MYH2: variants seen among roughly 807,000 people sequenced by gnomAD.
MYH2 encodes myosin heavy chain 2.
A neutral mutation model predicts 228.1 loss-of-function variants in MYH2; 139 were observed. That is an observed-to-expected ratio of 0.61 (90% confidence interval 0.53 to 0.70). The LOEUF is 0.70. Ranked by LOEUF, MYH2 falls within the 30% of genes least tolerant of loss-of-function variation. The pLI is 0.00. For missense variants in MYH2, 1,809 were observed against 2,357.5 expected (o/e 0.77, Z 4.82); for synonymous variants, 796 against 871.1 (o/e 0.91, Z 1.52).
intron 8 of MYH2, 128 bp downstream of exon 8, chr17:10,543,583 C>T: frequency 1.4e-6 from 2 of 1,385,400 alleles, no homozygotes; most frequent in Non-Finnish European, 2.0e-6. Context: ...TTATTACATG[C>T]TCAGAGGAAA....
intron 20 of MYH2, 27 bp from the exon 21 acceptor site, chr17:10,533,448 C>G (rs2073448141): frequency 6.2e-7 from 1 of 1,613,996 alleles, no homozygotes; most frequent in Admixed American, 1.7e-5. Flanking sequence ...TTGCAAATCA[C>G]AAGCTTTAAT....
chr17:10,525,888 T>C lies in MYH2; in HGVS notation c.4188-12A>G, dbSNP rs759554739. The stretch of plus-strand genomic sequence containing the variant: ...GGGCCAGCTTCTTCCTTGAATATTA[T>C]ACATGTTTTCAGAGAGAAGTGAACC... On this transcript the variant is annotated splice_polypyrimidine_tract_variant and intron_variant, in intron 30 of 39. Transcript: ENST00000245503. This position sits in a 1 kb window ranked among gnomAD's most constrained non-coding sequence, Gnocchi z 4.2. The C allele has an allele frequency of 1.9e-6, 3 of 1,613,600 alleles. No homozygotes were observed. The highest frequency in any genetic ancestry group is 8.5e-7 in the Non-Finnish European group (1 of 1,179,664).
chr17:10,533,530 C>T lies in MYH2; in HGVS notation c.2283G>A (p.Gln761=). 3 of 1,614,178 alleles carry T rather than the reference C, an allele frequency of 1.9e-6. No homozygotes were observed. The highest frequency in any genetic ancestry group is 2.5e-6 in the Non-Finnish European group (3 of 1,180,006). The change falls in exon 20 of 40, where the codon CAG becomes CAA. Residue 761 remains glutamine, a synonymous_variant. Transcript: ENST00000245503. ...TTACCTTGGTGTGCCCAAATTTATA[C>T]TGGGTGTGGTCAATGTCGATGGATG... ...LLASIDIDHT[Q]YKFGHTKVFF... is the part of the protein sequence containing the mutation.
In MYH2 at chr17:10,537,616, C is replaced by A. The variant is rs182775814; in HGVS notation, c.1587+49G>T. 1.3e-5 allele frequency: 21 copies of A among 1,613,948 alleles called. No homozygotes were observed. Among genetic ancestry groups the A allele is most frequent in the East Asian group, 2.2e-5 (1 of 44,898 alleles). On this transcript the variant is annotated intron_variant, in intron 15 of 39. Transcript: ENST00000245503. This position sits in a 1 kb window ranked among gnomAD's most constrained non-coding sequence, Gnocchi z 4.0. ...TCTATAGAATTAAAATAAAAAGCAG[C>A]GAATAATATAGTTGCCGCAAAATAT...
chr17:10,540,585 T>A lies in MYH2; in HGVS notation c.1008+9A>T. Reference sequence around the variant, plus strand: ...CATAATAATTCCAATTTTCTTGTGTTCTACTTACATCTGTGGCCATCAGTT... The same window carrying A: ...CATAATAATTCCAATTTTCTTGTGTACTACTTACATCTGTGGCCATCAGTT... On this transcript the variant is annotated intron_variant, in intron 11 of 39. Coordinates refer to ENST00000245503, the MANE Select transcript of MYH2 (RefSeq NM_017534.6). 1 of 1,591,076 alleles carries A rather than the reference T, an allele frequency of 6.3e-7. No individual in the cohort carries two copies. Among genetic ancestry groups the A allele is most frequent in the Non-Finnish European group, 8.6e-7 (1 of 1,159,020 alleles).
rs2073611882 is a variant in MYH2 at position 10,545,240 on chromosome 17, C to G, written c.505+106G>C. On this transcript the variant is annotated intron_variant, in intron 5 of 39. Transcript: ENST00000245503. ...TCCTTCATAAATACACCAGCCTCAACTAAAAGGGACGATCTCAAGGAATGT... is the reference window on the plus strand; with the variant it reads ...TCCTTCATAAATACACCAGCCTCAAGTAAAAGGGACGATCTCAAGGAATGT... 1.2e-5 allele frequency: 20 copies of G among 1,601,498 alleles called. No homozygotes were observed. The Admixed American group carries it at 3.3e-4, about 27-fold the overall frequency.
chr17:10,523,690 A>G (rs1490503217), intron 36 of MYH2, 24 bp from the exon 37 acceptor site: 2 of 1,614,150 alleles, frequency 1.2e-6, no homozygotes, highest in Admixed American at 3.3e-5. Context: ...AAATCAAGAA[A>G]ACCAAGAAAG....
At chr17:10,546,523 A>G (rs2142323456) in intron 4 of MYH2, among the ~76,000 whole-genome samples, 1 of 152,134 alleles carries the variant, frequency 6.6e-6, no homozygotes, top group South Asian at 2.1e-4. Context: ...GACAGTATAA[A>G]TGAGACCAGA....
intron 4 of MYH2, among the ~76,000 whole-genome samples, chr17:10,545,865 A>G (rs1316732171): frequency 6.6e-6 from 1 of 152,168 alleles, no homozygotes; most frequent in East Asian, 1.9e-4. Flanking sequence ...CTTGAAAACT[A>G]GTTGGCAAGT....
intron 21 of MYH2, among the ~76,000 whole-genome samples, chr17:10,532,332 T>C (rs2073434637): frequency 2.0e-5 from 3 of 152,176 alleles, no homozygotes; most frequent in Admixed American, 2.0e-4. Flanking sequence ...GGAACACAGC[T>C]CTTTAGGGGT....
chr17:10,535,500 G>T, intron 17 of MYH2, 135 bp from the exon 18 acceptor site: 1 of 766,662 alleles, frequency 1.3e-6, no homozygotes, highest in Non-Finnish European at 2.3e-6. Flanking sequence ...GCAACACTTT[G>T]AATGCTTCTT....
Position 10,526,951 on chromosome 17 carries a change from T to A in MYH2, c.3977A>T (p.Glu1326Val). ...QQIEELKRQL[E>V]EEIKAKNALA... is the part of the protein sequence containing the mutation. Reference sequence around the variant, plus strand: ...AATCATAATTACTTTTATCTCCTCTTCAAGTTGCCTCTTTAATTCTTCAAT... The same window carrying A: ...AATCATAATTACTTTTATCTCCTCTACAAGTTGCCTCTTTAATTCTTCAAT... Residue 1326 changes from glutamate to valine, a missense_variant, in exon 29 of 40, where the codon GAA becomes GTA. Coordinates refer to ENST00000245503, the MANE Select transcript of MYH2 (RefSeq NM_017534.6). 1 of 1,614,136 alleles carries A rather than the reference T, an allele frequency of 6.2e-7. No homozygotes were observed. The highest frequency in any genetic ancestry group is 1.6e-4 in the Middle Eastern group (1 of 6,062).
Position 10,523,189 on chromosome 17 carries a change from A to G in MYH2, c.5578-4T>C. On this transcript the variant is annotated splice_region_variant and splice_polypyrimidine_tract_variant and intron_variant, in intron 38 of 39. Coordinates refer to ENST00000245503, the MANE Select transcript of MYH2 (RefSeq NM_017534.6). ...TATTCTTTCTATCTTCTTCCGTCTG[A>G]AAGATTATAAAAAGTCCAGGACCTT... The G allele has an allele frequency of 6.2e-7, 1 of 1,612,644 alleles. No homozygotes were observed. The highest frequency in any genetic ancestry group is 8.5e-7 in the Non-Finnish European group (1 of 1,178,620).
intron 18 of MYH2, 37 bp from the exon 19 acceptor site, chr17:10,535,227 A>C: frequency 6.2e-7 from 1 of 1,613,956 alleles, no homozygotes; most frequent in Non-Finnish European, 8.5e-7. Context: ...AGAGCTGTTG[A>C]AAAGGAGGTG....
intron 5 of MYH2, among the ~76,000 whole-genome samples, chr17:10,545,069 ATATT>A (rs2073609900): frequency 6.6e-6 from 1 of 151,712 alleles, no homozygotes; most frequent in Admixed American, 6.6e-5. Context: ...ATTTTTGCTC[ATATT>A]TATTTGAGTT....
At chr17:10,539,082 C>A in intron 14 of MYH2, 123 bp downstream of exon 14, 1 of 1,567,340 alleles carries the variant, frequency 6.4e-7, no homozygotes, top group Non-Finnish European at 8.7e-7. Flanking sequence ...CAGTTACTCT[C>A]TTTTAAGGCT....
rs1056001463 is a variant in MYH2 at position 10,524,792 on chromosome 17, G to C, written c.4936C>G (p.Leu1646Val). 2 of 1,614,044 alleles carry C rather than the reference G, an allele frequency of 1.2e-6. No individual in the cohort carries two copies. The highest frequency in any genetic ancestry group is 1.7e-5 in the Admixed American group (1 of 60,002). ...NHANRMAAEALRNYRNTQGIL... is the reference protein window; with the variant it reads ...NHANRMAAEAVRNYRNTQGIL... ...CCTTGGGTGTTCCTGTAGTTCCTCA[G>C]GGCCTCAGCAGCCATGCGGTTGGCA... Residue 1646 changes from leucine to valine, a missense_variant, in exon 34 of 40, where the codon CTG becomes GTG. Physicochemically the swap from Leu to Val is conservative, Grantham distance 32 (BLOSUM62 1). Coordinates refer to ENST00000245503, the MANE Select transcript of MYH2 (RefSeq NM_017534.6). This position sits in a 1 kb window ranked among gnomAD's most constrained non-coding sequence, Gnocchi z 4.7.
rs1362710062 is a variant in MYH2 at position 10,535,410 on chromosome 17, G to A, written c.1975-45C>T. 3.4e-6 allele frequency: 5 copies of A among 1,489,376 alleles called. No individual in the cohort carries two copies. In the Admixed American group the frequency reaches 5.1e-5, roughly 15 times the overall value. 92.3% of individuals were successfully genotyped at this position (1,489,376 alleles called of 1,614,324 possible). A position where few individuals can be genotyped will look rare whatever the true frequency, so the allele number is the denominator to read the frequency against. On this transcript the variant is annotated intron_variant, in intron 17 of 39. Transcript: ENST00000245503. ...CCTGTCATTTTAGGCTCTAGACATG[G>A]ATATGAGCAGTCATTGGTGTCTATA...
At chr17:10,533,991 G>T (rs2073454321) in intron 19 of MYH2, among the ~76,000 whole-genome samples, 1 of 152,194 alleles carries the variant, frequency 6.6e-6, no homozygotes, top group Non-Finnish European at 1.5e-5. Flanking sequence ...TTTCATTGAA[G>T]AATTTGGTAG....
Sources: gnomAD v4.1 joint callset for allele counts (sites outside exome capture counted in the v4.1 genomes callset) on GRCh38, gnomAD v4.1.1 for gene constraint, Gnocchi (gnomAD v3.1) non-coding constraint, MANE v1.5 for transcripts, NCBI Gene and HGNC (gene_info 2026-07-23, HGNC 2026-07-21) for gene names.